MSRB2: variants seen among roughly 807,000 people sequenced by gnomAD.
MSRB2 encodes the protein methionine-R-sulfoxide reductase B2, mitochondrial.
In MSRB2, 17 loss-of-function variants were observed where a neutral mutation model predicts 19.0. That is an observed-to-expected ratio of 0.89 (90% CI 0.61 to 1.34). The LOEUF (loss-of-function observed/expected upper bound fraction) is 1.34. Ranked by LOEUF, MSRB2 falls within the 40% of genes most tolerant of loss-of-function variation. MSRB2 has a pLI of 0.00. For synonymous variants in MSRB2, 107 were observed against 99.7 expected (o/e 1.07, Z -0.44); for missense variants, 208 against 237.6 (o/e 0.88, Z 0.82).
intron 3 of MSRB2, among the ~76,000 whole-genome samples, chr10:23,115,098 A>G (rs1840097617): frequency 6.6e-6 from 1 of 152,142 alleles, no homozygotes; most frequent in Admixed American, 6.5e-5. Context: ...TTTGGTGCAC[A>G]GTTTTGGAGA....
At chr10:23,099,655 GC>G (rs1343737635) in intron 1 of MSRB2, among the ~76,000 whole-genome samples, 1 of 152,176 alleles carries the variant, frequency 6.6e-6, no homozygotes, top group Non-Finnish European at 1.5e-5. Context: ...GGCATTCAAG[GC>G]TGTAGTGTAC....
intron 4 of MSRB2, 25 bp from the exon 5 acceptor site, chr10:23,120,733 T>C: frequency 6.4e-7 from 1 of 1,573,432 alleles, no homozygotes; most frequent in Non-Finnish European, 8.7e-7. Flanking sequence ...CATTTGGAGA[T>C]GACAGAGGCT....
chr10:23,110,930 G>T (rs200763647), intron 3 of MSRB2, among the ~76,000 whole-genome samples: 1 of 152,120 alleles, frequency 6.6e-6, no homozygotes, highest in African/African-American at 2.4e-5. Flanking sequence ...TTAAAAAAAA[G>T]TAGATTCGAT....
chr10:23,104,301 T>C, intron 2 of MSRB2, 57 bp downstream of exon 2: 1 of 1,432,296 alleles, frequency 7.0e-7, no homozygotes, highest in Non-Finnish European at 9.7e-7. Context: ...GAGGGGCCAG[T>C]TGGAATAGGT....
At chr10:23,098,327 G>T (rs1264728097) in intron 1 of MSRB2, among the ~76,000 whole-genome samples, 1 of 152,162 alleles carries the variant, frequency 6.6e-6, no homozygotes, top group Non-Finnish European at 1.5e-5. Flanking sequence ...GTGACCATAG[G>T]ACCAAGAGTG....
At chr10:23,115,729 C>G (rs954841577) in intron 3 of MSRB2, among the ~76,000 whole-genome samples, 1 of 152,156 alleles carries the variant, frequency 6.6e-6, no homozygotes, top group African/African-American at 2.4e-5. Context: ...CCAGTCTTAA[C>G]TTATATATGT....
chr10:23,113,813 TG>T (rs1840080776), intron 3 of MSRB2, among the ~76,000 whole-genome samples: 1 of 152,126 alleles, frequency 6.6e-6, no homozygotes, highest in Non-Finnish European at 1.5e-5. Flanking sequence ...AACCGAAGAC[TG>T]CCTACCTTAG....
In MSRB2 at chr10:23,113,187, C is replaced by T. The variant is rs552499630; in HGVS notation, c.296+2869C>T. 1.1e-4 allele frequency among the ~76,000 whole-genome samples: 16 copies of T among 152,292 alleles called. No individual in the cohort carries two copies. The South Asian group carries it at 3.3e-3, about 32-fold the overall frequency. ...TGAAGGGAAAGTTGGTCAACCAAAACTAAGTAGTTCTTTTAACAAGTAAAT... is the reference window on the plus strand; with the variant it reads ...TGAAGGGAAAGTTGGTCAACCAAAATTAAGTAGTTCTTTTAACAAGTAAAT... On this transcript the variant is annotated intron_variant, in intron 3 of 4. Transcript: ENST00000376510.
At position 23,096,472 on chromosome 10, in the gene MSRB2, T is replaced by C. The variant is rs113495035; in HGVS notation, c.118+746T>C. 6.1e-4 allele frequency among the ~76,000 whole-genome samples: 93 copies of C among 152,162 alleles called. No individual in the cohort carries two copies. The Middle Eastern group carries it at 0.034, about 56-fold the overall frequency. On this transcript the variant is annotated intron_variant, in intron 1 of 4. Transcript: ENST00000376510. Reference sequence around the variant, plus strand: ...TCGGGAGACCTGTGCCAGCTACCCCTGTATTTCAGTTCTATTTCAGGGTAA... The same window carrying C: ...TCGGGAGACCTGTGCCAGCTACCCCCGTATTTCAGTTCTATTTCAGGGTAA...
chr10:23,116,797 G>A (rs1446192762), intron 3 of MSRB2, among the ~76,000 whole-genome samples: 1 of 152,192 alleles, frequency 6.6e-6, no homozygotes, highest in South Asian at 2.1e-4. Context: ...GAAAACCCCT[G>A]TGGCAGTTAG....
intron 2 of MSRB2, 92 bp downstream of exon 2, chr10:23,104,336 G>T: frequency 1.1e-6 from 1 of 947,994 alleles, no homozygotes. Flanking sequence ...CAGCTGCCCA[G>T]CAACACTCCA....
intron 1 of MSRB2, among the ~76,000 whole-genome samples, chr10:23,098,154 GC>G (rs1326711602): frequency 6.6e-6 from 1 of 152,190 alleles, no homozygotes; most frequent in Non-Finnish European, 1.5e-5. Flanking sequence ...GACTAGTTCT[GC>G]AGATCAGAAT....
intron 1 of MSRB2, among the ~76,000 whole-genome samples, chr10:23,102,901 C>T (rs1839940824): frequency 6.6e-6 from 1 of 152,106 alleles, no homozygotes; most frequent in African/African-American, 2.4e-5. Flanking sequence ...GTGTCGAATA[C>T]CCCAAAAATC....
At position 23,110,268 on chromosome 10, in the gene MSRB2, C is replaced by G; in HGVS notation, c.246C>G (p.Asn82Lys). Residue 82 changes from asparagine to lysine, a missense_variant, in exon 3 of 5, where the codon AAC (asparagine) becomes AAG (lysine). By Grantham distance (94) the Asn-to-Lys change is moderately conservative. Coordinates refer to ENST00000376510, the MANE Select transcript of MSRB2 (RefSeq NM_012228.4). ...EPPFSGIYLNNKEAGMYHCVC... is the reference protein window; with the variant it reads ...EPPFSGIYLNKKEAGMYHCVC... ...CTTTCAGTGGGATCTACCTGAATAA[C>G]AAGGAAGCAGGAATGTATCATTGCG... 1.2e-6 allele frequency: 2 copies of G among 1,613,912 alleles called. No individual in the cohort carries two copies. Among genetic ancestry groups the G allele is most frequent in the South Asian group, 1.1e-5 (1 of 91,048 alleles).
At chr10:23,097,690 C>G (rs1839882416) in intron 1 of MSRB2, among the ~76,000 whole-genome samples, 1 of 152,140 alleles carries the variant, frequency 6.6e-6, no homozygotes, top group Admixed American at 6.5e-5. Flanking sequence ...GTTTAAACTT[C>G]AGATTTTTTT....
chr10:23,096,537 G>T (rs933128590), intron 1 of MSRB2, among the ~76,000 whole-genome samples: 4 of 152,140 alleles, frequency 2.6e-5, no homozygotes, highest in African/African-American at 9.7e-5. Flanking sequence ...GCGGTTGCCA[G>T]ACTGACCCAC....
rs1840121976 is a variant in MSRB2 at position 23,117,293 on chromosome 10, G to C, written c.297-2011G>C. On this transcript the variant is annotated intron_variant, in intron 3 of 4. Transcript: ENST00000376510. The stretch of plus-strand genomic sequence containing the variant: ...GTCTGAGGACCCCAGAGATTCCTGG[G>C]GGGGACCTTTCTAGGGGCTTTTCCA... 2.0e-5 allele frequency among the ~76,000 whole-genome samples: 3 copies of C among 152,156 alleles called. No individual in the cohort carries two copies. In the East Asian group the frequency reaches 5.8e-4, roughly 29 times the overall value.
At position 23,118,330 on chromosome 10, in the gene MSRB2, G is replaced by GTTTT. The variant is rs199691499; in HGVS notation, c.297-971_297-968dup. ...TTTGCTACTTTTTCTTCTTAGATTA[G>GTTTT]TTTTTTGTTTTTTTTTTTTTTTTTT... On this transcript the variant is annotated intron_variant, in intron 3 of 4. Transcript: ENST00000376510. 5.7e-4 allele frequency among the ~76,000 whole-genome samples: 49 copies of GTTTT among 86,630 alleles called. 2 individuals carry two copies. The highest frequency in any genetic ancestry group is 2.2e-3 in the African/African-American group (47 of 20,914). The allele number at this position is 86,630 out of a possible 152,430, so 56.8% of individuals were successfully genotyped here.
intron 3 of MSRB2, among the ~76,000 whole-genome samples, chr10:23,114,671 G>C (rs1417292261): frequency 1.3e-5 from 2 of 152,218 alleles, no homozygotes; most frequent in East Asian, 1.9e-4. Flanking sequence ...GCCATGCCCA[G>C]GCTCTTCATG....
Sources: gnomAD v4.1 joint callset for allele counts (sites outside exome capture counted in the v4.1 genomes callset) on GRCh38, gnomAD v4.1.1 for gene constraint, MANE v1.5 for transcripts, NCBI Gene and HGNC (gene_info 2026-07-23, HGNC 2026-07-21) for gene names.